Variants in PPP2R3C observed in about 807,000 individuals in gnomAD.
PPP2R3C encodes protein phosphatase 2 regulatory subunit B''gamma, also known as serine/threonine-protein phosphatase 2A regulatory subunit B'' subunit gamma.
A neutral mutation model predicts 63.7 loss-of-function variants in PPP2R3C; 47 were observed. That is an observed-to-expected ratio of 0.74 (90% CI 0.58 to 0.94). The LOEUF (loss-of-function observed/expected upper bound fraction) is 0.94. Ranked by LOEUF, PPP2R3C falls within the 40% of genes least tolerant of loss-of-function variation. The pLI is 0.00. For missense variants in PPP2R3C, 421 were observed against 518.4 expected (o/e 0.81, Z 1.82); for synonymous variants, 180 against 177.4 (o/e 1.01, Z -0.12).
chr14:35,093,581 G>A (rs1055009373), intron 10 of PPP2R3C, among the ~76,000 whole-genome samples: 12 of 151,192 alleles, frequency 7.9e-5, no homozygotes, highest in African/African-American at 2.7e-4. Flanking sequence ...AATGATAAAT[G>A]TAAGACCCCC....
At chr14:35,108,340 AAG>A (rs2046426038) in intron 4 of PPP2R3C, 104 bp from the exon 5 acceptor site, 2 of 1,379,184 alleles carry the variant, frequency 1.5e-6, no homozygotes, top group African/African-American at 1.5e-5. Context: ...TTAAAAATGA[AAG>A]AACAATAGAG....
intron 1 of PPP2R3C, 64 bp from the exon 2 acceptor site, chr14:35,116,801 C>T (rs2046723822): frequency 7.9e-7 from 1 of 1,260,324 alleles, no homozygotes. Flanking sequence ...CTCAGGTCAT[C>T]CTATATATTA....
intron 6 of PPP2R3C, 93 bp downstream of exon 6, chr14:35,107,211 G>A (rs958405696): frequency 3.2e-6 from 3 of 947,068 alleles, no homozygotes; most frequent in African/African-American, 3.3e-5. Context: ...AGTATTATGA[G>A]AACAGCCTGT....
intron 2 of PPP2R3C, among the ~76,000 whole-genome samples, chr14:35,116,376 T>G (rs2046710107): frequency 6.6e-6 from 1 of 152,072 alleles, no homozygotes; most frequent in Non-Finnish European, 1.5e-5. Flanking sequence ...TTCAGCCTCC[T>G]GAGAAGCTAG....
chr14:35,112,567 T>G (rs184915271), intron 2 of PPP2R3C, among the ~76,000 whole-genome samples: 1 of 152,086 alleles, frequency 6.6e-6, no homozygotes, highest in Non-Finnish European at 1.5e-5. Context: ...TAAAGGAGTA[T>G]AAACCAAAAA....
At chr14:35,094,481 T>TTA (rs397701886) in intron 10 of PPP2R3C, among the ~76,000 whole-genome samples, 92 of 144,502 alleles carry the variant, frequency 6.4e-4, no homozygotes, top group South Asian at 3.0e-3. Context: ...AGCTTTTTTT[T>TTA]AAAAAAAAAA....
chr14:35,106,141 G>A lies in PPP2R3C; in HGVS notation c.573+1163C>T, dbSNP rs558713360. ...ATTACAGGCGTGAGCCACCACGCCC[G>A]GCATCCTTGTCTACTGTCTCTTATT... On this transcript the variant is annotated intron_variant, in intron 6 of 12. Coordinates refer to ENST00000261475, the MANE Select transcript of PPP2R3C (RefSeq NM_017917.4). Among the ~76,000 whole-genome samples, 260 of 151,952 alleles carry A rather than the reference G, an allele frequency of 1.7e-3. 1 individual carries two copies. The highest frequency in any genetic ancestry group is 0.017 in the Admixed American group (255 of 15,252).
intron 12 of PPP2R3C, 97 bp from the exon 13 acceptor site, chr14:35,085,875 C>T (rs1344516225): frequency 1.0e-6 from 1 of 967,370 alleles, no homozygotes; most frequent in Non-Finnish European, 1.5e-6. Flanking sequence ...CACTGAAGTA[C>T]AGAGGAATAA....
chr14:35,122,127 C>T (rs2046926760), upstream of PPP2R3C: 1 of 624,584 alleles, frequency 1.6e-6, no homozygotes, highest in African/African-American at 1.8e-5. Flanking sequence ...CAATTACTGT[C>T]ACTGCCGCGG....
At chr14:35,108,369 A>G in intron 4 of PPP2R3C, 133 bp from the exon 5 acceptor site, 2 of 1,207,396 alleles carry the variant, frequency 1.7e-6, no homozygotes, top group South Asian at 4.0e-5. Context: ...TATAATTCAA[A>G]AACTTAAAAT....
At chr14:35,117,716 T>TG (rs142756605) in intron 1 of PPP2R3C, among the ~76,000 whole-genome samples, 2,059 of 152,112 alleles carry the variant, frequency 0.014, 37 homozygotes, top group African/African-American at 0.044. Context: ...TTTTTGGAGA[T>TG]GGAGCTTCAC....
At chr14:35,108,347 A>G (rs1343306611) in intron 4 of PPP2R3C, 111 bp from the exon 5 acceptor site, 2 of 1,292,584 alleles carry the variant, frequency 1.5e-6, no homozygotes, top group Non-Finnish European at 2.0e-6. Context: ...TGAAAGAACA[A>G]TAGAGACTCC....
chr14:35,096,744 T>C lies in PPP2R3C; in HGVS notation c.727A>G (p.Ile243Val). The change falls in exon 8 of 13, where the codon ATT becomes GTT. Residue 243 changes from isoleucine to valine, a missense_variant. Around this residue, in one of 3 missense-constraint regions of PPP2R3C, gnomAD observed 231 missense variants for 264.8 expected, o/e 0.87. Transcript: ENST00000261475. ...TCATCTAGGAAGCTGCATGCTAAAA[T>C]ATCTTGAATTTTTATCTTTCCTTTA... ...LRTGKIKIQD[I>V]LACSFLDDLL... The C allele has an allele frequency of 6.3e-7, 1 of 1,588,288 alleles. No individual in the cohort carries two copies. Among genetic ancestry groups the C allele is most frequent in the Non-Finnish European group, 8.6e-7 (1 of 1,166,542 alleles).
intron 11 of PPP2R3C, among the ~76,000 whole-genome samples, chr14:35,089,677 TC>T (rs1281800822): frequency 6.7e-6 from 1 of 149,236 alleles, no homozygotes; most frequent in Non-Finnish European, 1.5e-5. Flanking sequence ...TTTTTTTTTT[TC>T]TTTTTGAGAC....
At chr14:35,102,550 T>C (rs950466357) in intron 6 of PPP2R3C, 7 of 152,314 alleles carry the variant, frequency 4.6e-5, no homozygotes, top group African/African-American at 1.7e-4. Flanking sequence ...CTTTGGCTTC[T>C]CTTTTTCTTC....
rs2045799156 is a variant in PPP2R3C at position 35,091,061 on chromosome 14, G to C, written c.1113+9C>G. 1 of 1,595,858 alleles carries C rather than the reference G, an allele frequency of 6.3e-7. No individual in the cohort carries two copies. Among genetic ancestry groups the C allele is most frequent in the African/African-American group, 1.3e-5 (1 of 74,088 alleles). ...GGAACAATGACTCACTTATGCAAAT[G>C]AGACTTACCCTAAAGAAATAATTAA... On this transcript the variant is annotated intron_variant, in intron 11 of 12. Transcript: ENST00000261475.
intron 6 of PPP2R3C, among the ~76,000 whole-genome samples, chr14:35,104,337 T>A (rs1486678812): frequency 6.6e-6 from 1 of 152,196 alleles, no homozygotes; most frequent in Non-Finnish European, 1.5e-5. Flanking sequence ...ACAGATTCTA[T>A]CTACAGAAAT....
At chr14:35,087,590 G>C (rs1241709982) in intron 12 of PPP2R3C, 1 of 198,472 alleles carries the variant, frequency 5.0e-6, no homozygotes, top group Non-Finnish European at 1.0e-5. Flanking sequence ...AGTAGAGACG[G>C]GGTTTCACCA....
intron 3 of PPP2R3C, 118 bp downstream of exon 3, chr14:35,110,407 C>T (rs996743438): frequency 2.1e-5 from 13 of 629,800 alleles, no homozygotes; most frequent in Middle Eastern, 4.4e-4. Flanking sequence ...TGCTTCAGAG[C>T]CTATGTAGTA....
Sources: allele counts gnomAD v4.1 joint callset (sites outside exome capture counted in the v4.1 genomes callset), GRCh38; gene constraint gnomAD v4.1.1; regional missense constraint gnomAD v4.1.1; transcripts MANE v1.5; gene names NCBI Gene and HGNC (gene_info 2026-07-23, HGNC 2026-07-21).